UTS2B: variants seen among roughly 807,000 people sequenced by gnomAD.
The protein encoded by UTS2B is urotensin 2B.
In UTS2B, 21 loss-of-function variants were observed where a neutral mutation model predicts 19.2. The observed-to-expected ratio is 1.09, with a 90% CI of 0.78 to 1.58. UTS2B has a LOEUF of 1.58. UTS2B is among the 40% of genes most tolerant of loss of function. The pLI is 0.00. For synonymous variants in UTS2B, 57 were observed against 50.2 expected, an observed-to-expected ratio of 1.14 and a Z score of -0.58; for missense variants, 138 against 130.3, an observed-to-expected ratio of 1.06 and a Z score of -0.29.
intron 5 of UTS2B, among the ~76,000 whole-genome samples, chr3:191,278,619 C>A (rs1189410482): frequency 1.3e-5 from 2 of 151,846 alleles, no homozygotes; most frequent in Admixed American, 1.3e-4. Flanking sequence ...AGTTTGTGTT[C>A]CGGGAATTTC....
At chr3:191,297,389 C>T (rs1279667850) in intron 4 of UTS2B, among the ~76,000 whole-genome samples, 1 of 152,122 alleles carries the variant, frequency 6.6e-6, no homozygotes, top group Non-Finnish European at 1.5e-5. Context: ...TTTCTTTGTT[C>T]ACACAATTCC....
intron 4 of UTS2B, among the ~76,000 whole-genome samples, chr3:191,295,698 T>C (rs1397642184): frequency 6.6e-6 from 1 of 151,964 alleles, no homozygotes. Context: ...TTTACCCTAA[T>C]GTATCATTTA....
the UTS2B span, among the ~76,000 whole-genome samples, chr3:191,342,823 G>GA: frequency 1.3e-5 from 2 of 152,154 alleles, no homozygotes; most frequent in Non-Finnish European, 2.9e-5. Flanking sequence ...AAATTGTTTT[G>GA]AAAAAATTGT....
intron 1 of UTS2B, chr3:191,329,374 G>A (rs1717856700): frequency 2.8e-6 from 1 of 362,840 alleles, no homozygotes; most frequent in Non-Finnish European, 4.9e-6. Flanking sequence ...CTCTCCCTCC[G>A]TACTGGACGG....
chr3:191,326,263 A>G (rs1039472748), intron 2 of UTS2B, among the ~76,000 whole-genome samples: 3 of 152,104 alleles, frequency 2.0e-5, no homozygotes, highest in Non-Finnish European at 2.9e-5. Flanking sequence ...ATTATGTGCC[A>G]AGCACTTTTC....
chr3:191,275,419 G>T, intron 7 of UTS2B, 74 bp from the exon 8 acceptor site: 1 of 1,212,762 alleles, frequency 8.2e-7, no homozygotes, highest in Non-Finnish European at 1.2e-6. Context: ...GGTGGCTTAT[G>T]CCTGTAATCC....
rs1008421974 is a variant in UTS2B, at chr3:191,316,118, G to A, written c.-264C>T. ...CAAAGTGGTTGGCAATCAGCTAGAT[G>A]TCAGCTGTCAGCTGGGAGCTCCATT... On this transcript the variant is annotated 5_prime_UTR_variant, in exon 3 of 9. Coordinates refer to ENST00000340524, the MANE Select transcript of UTS2B (RefSeq NM_198152.5). The A allele has an allele frequency of 1.3e-5, 2 of 152,224 alleles. No individual in the cohort carries two copies. The highest frequency in any genetic ancestry group is 4.8e-5 in the African/African-American group (2 of 41,434). The allele number at this position is 152,224 out of a possible 1,614,324, so 9.4% of individuals were successfully genotyped here. A position where few individuals can be genotyped will look rare whatever the true frequency, so the allele number is the denominator to read the frequency against.
At chr3:191,340,019 A>G in the UTS2B span, among the ~76,000 whole-genome samples, 1 of 152,232 alleles carries the variant, frequency 6.6e-6, no homozygotes, top group Non-Finnish European at 1.5e-5. Context: ...AATAGGCTTC[A>G]GTTATTACAT....
intron 6 of UTS2B, among the ~76,000 whole-genome samples, chr3:191,277,383 T>C (rs576398083): frequency 1.3e-5 from 2 of 152,280 alleles, no homozygotes; most frequent in East Asian, 3.9e-4. Context: ...AGTTATTCTT[T>C]TAACCAGCAT....
chr3:191,275,466 G>A, intron 7 of UTS2B, 121 bp from the exon 8 acceptor site: 4 of 697,496 alleles, frequency 5.7e-6, no homozygotes, highest in Non-Finnish European at 1.0e-5. Context: ...AGGTCACGAG[G>A]TCAGGCGATC....
At chr3:191,324,836 A>G (rs939378809) in intron 2 of UTS2B, among the ~76,000 whole-genome samples, 35 of 151,984 alleles carry the variant, frequency 2.3e-4, no homozygotes, top group African/African-American at 8.2e-4. Flanking sequence ...ATCACTCGAG[A>G]TTAGGAGTTC....
At chr3:191,337,765 C>T in the UTS2B span, among the ~76,000 whole-genome samples, 8 of 151,876 alleles carry the variant, frequency 5.3e-5, no homozygotes, top group African/African-American at 1.9e-4. Context: ...GAGTAAGGGT[C>T]TGTGGGGCTT....
intron 2 of UTS2B, among the ~76,000 whole-genome samples, chr3:191,320,398 A>G (rs533877464): frequency 6.6e-6 from 1 of 152,178 alleles, no homozygotes; most frequent in African/African-American, 2.4e-5. Context: ...GTGAGAAGGG[A>G]ATGAGAGGAA....
intron 5 of UTS2B, among the ~76,000 whole-genome samples, chr3:191,280,209 G>A (rs988752687): frequency 2.0e-5 from 3 of 152,080 alleles, no homozygotes; most frequent in African/African-American, 4.8e-5. Flanking sequence ...CTCCCAAAAC[G>A]ATTAAATTCA....
At chr3:191,268,846 A>C (rs1716013006) in intron 8 of UTS2B, among the ~76,000 whole-genome samples, 1 of 152,230 alleles carries the variant, frequency 6.6e-6, no homozygotes, top group Non-Finnish European at 1.5e-5. Flanking sequence ...ACCAAAAAGA[A>C]AGTCACATAA....
chr3:191,275,396 G>C, intron 7 of UTS2B, 51 bp from the exon 8 acceptor site: 1 of 1,493,450 alleles, frequency 6.7e-7, no homozygotes, highest in South Asian at 1.1e-5. Flanking sequence ...AAACCATGCT[G>C]TTGACCGGGC....
chr3:191,329,904 T>C (rs1469509804), intron 1 of UTS2B, among the ~76,000 whole-genome samples: 5 of 127,356 alleles, frequency 3.9e-5, no homozygotes, highest in Non-Finnish European at 6.4e-5. Flanking sequence ...TGGGCAAGTC[T>C]CCGACGTTCC....
At chr3:191,320,343 G>A (rs1717581123) in intron 2 of UTS2B, among the ~76,000 whole-genome samples, 1 of 152,168 alleles carries the variant, frequency 6.6e-6, no homozygotes, top group Admixed American at 6.5e-5. Flanking sequence ...GACTATGCGT[G>A]GCTTATTCAA....
At chr3:191,315,807 A>T (rs1444524178) in intron 3 of UTS2B, among the ~76,000 whole-genome samples, 2 of 152,240 alleles carry the variant, frequency 1.3e-5, no homozygotes, top group African/African-American at 4.8e-5. Flanking sequence ...AAATTTTATT[A>T]GTTATGCAGT....
Sources: gnomAD v4.1 joint callset for allele counts (sites outside exome capture counted in the v4.1 genomes callset) on GRCh38, gnomAD v4.1.1 for gene constraint, MANE v1.5 for transcripts, NCBI Gene and HGNC (gene_info 2026-07-23, HGNC 2026-07-21) for gene names.